Variants in PCSK6 observed in about 807,000 individuals in gnomAD.
PCSK6 encodes the protein proprotein convertase subtilisin/kexin type 6.
In PCSK6, 85 loss-of-function variants were observed where a neutral mutation model predicts 123.3. That is an observed-to-expected ratio of 0.69 (90% CI 0.58 to 0.83). The LOEUF (loss-of-function observed/expected upper bound fraction) is 0.83. PCSK6 is among the 40% of genes least tolerant of loss of function. The pLI is 0.00. For missense variants in PCSK6, 1,191 were observed against 1,282.3 expected (o/e 0.93, Z 1.09); for synonymous variants, 508 against 516.0 (o/e 0.98, Z 0.21).
rs1460857654 is a variant in PCSK6 at position 101,443,641 on chromosome 15, T to C, written c.317A>G (p.Tyr106Cys). The C allele has an allele frequency of 6.2e-7, 1 of 1,613,558 alleles. No homozygotes were observed. The change falls in exon 2 of 22, where the codon TAC (tyrosine) becomes TGC (cysteine). Residue 106 changes from tyrosine (Y) to cysteine (C), a missense_variant. By Grantham distance (194) the Tyr-to-Cys change is radical. Coordinates refer to ENST00000611716, the MANE Select transcript of PCSK6 (RefSeq NM_002570.5). Reference sequence around the variant, plus strand: ...GGTTTTGCTGTGATAAAAATGGTAGTAATCTTCCAGGTTTCCAATCTGCAA... The same window carrying C: ...GGTTTTGCTGTGATAAAAATGGTAGCAATCTTCCAGGTTTCCAATCTGCAA... ...NLGQIGNLEDYYHFYHSKTFK... is the reference protein window; with the variant it reads ...NLGQIGNLEDCYHFYHSKTFK...
At chr15:101,484,111 C>T (rs1222876049) in intron 1 of PCSK6, among the ~76,000 whole-genome samples, 4 of 151,804 alleles carry the variant, frequency 2.6e-5, no homozygotes, top group Non-Finnish European at 5.9e-5. Context: ...TGTAATATAC[C>T]CTGATACAAA....
chr15:101,369,943 C>G (rs2041527405), intron 12 of PCSK6, among the ~76,000 whole-genome samples: 2 of 152,288 alleles, frequency 1.3e-5, no homozygotes, highest in South Asian at 4.2e-4. Flanking sequence ...AAACAGTGCT[C>G]CCTGTGGTAC....
At chr15:101,357,015 G>A (rs1166405826) in intron 13 of PCSK6, among the ~76,000 whole-genome samples, 1 of 152,192 alleles carries the variant, frequency 6.6e-6, no homozygotes, top group Admixed American at 6.5e-5. Context: ...TAAATCCTGG[G>A]TCTTAGCATA....
chr15:101,412,290 G>A (rs1365833568), intron 6 of PCSK6, among the ~76,000 whole-genome samples: 1 of 152,156 alleles, frequency 6.6e-6, no homozygotes, highest in African/African-American at 2.4e-5. Context: ...TTCCAAGAAC[G>A]AATAGGAAGA....
chr15:101,447,522 A>G (rs943066589), intron 1 of PCSK6, among the ~76,000 whole-genome samples: 10 of 152,190 alleles, frequency 6.6e-5, no homozygotes, highest in African/African-American at 2.2e-4. Context: ...ACAAAATTTG[A>G]TACTAAATGA....
chr15:101,352,113 A>G (rs2040905837), intron 13 of PCSK6, among the ~76,000 whole-genome samples: 1 of 151,264 alleles, frequency 6.6e-6, no homozygotes, highest in African/African-American at 2.4e-5. Context: ...AGTTTGTCCA[A>G]AATATTTTAT....
chr15:101,472,644 T>C (rs1042067732), intron 1 of PCSK6, among the ~76,000 whole-genome samples: 6 of 152,168 alleles, frequency 3.9e-5, no homozygotes, highest in Admixed American at 3.9e-4. Context: ...GGGAGGAGGC[T>C]GAGCAGCTCC....
intron 15 of PCSK6, among the ~76,000 whole-genome samples, chr15:101,329,279 G>C (rs2040325441): frequency 6.6e-6 from 1 of 152,210 alleles, no homozygotes; most frequent in South Asian, 2.1e-4. Flanking sequence ...AGTTCTCCAT[G>C]TGCTTTGCCG....
intron 13 of PCSK6, chr15:101,364,789 G>C (rs1002707005): frequency 6.7e-6 from 3 of 445,812 alleles, no homozygotes; most frequent in African/African-American, 3.9e-5. Context: ...TTTTAAAAAA[G>C]AAATGTACAA....
chr15:101,371,663 G>C (rs139047091), intron 11 of PCSK6, among the ~76,000 whole-genome samples: 96 of 152,246 alleles, frequency 6.3e-4, no homozygotes, highest in Middle Eastern at 3.4e-3. Context: ...TAGCTAATGC[G>C]GGGAGGAGCT....
intron 6 of PCSK6, among the ~76,000 whole-genome samples, chr15:101,425,050 G>A (rs2056208396): frequency 6.6e-6 from 1 of 152,156 alleles, no homozygotes; most frequent in African/African-American, 2.4e-5. Context: ...GGAGCCCCAG[G>A]GGTGGCAGAG....
At chr15:101,347,873 C>T (rs2040777319) in intron 13 of PCSK6, 10 of 943,004 alleles carry the variant, frequency 1.1e-5, no homozygotes, top group Middle Eastern at 2.8e-4. Context: ...CAGGAGGAAG[C>T]GCCCGGGGTT....
intron 2 of PCSK6, among the ~76,000 whole-genome samples, chr15:101,438,749 C>T (rs1238383700): frequency 1.3e-5 from 2 of 152,270 alleles, no homozygotes; most frequent in African/African-American, 4.8e-5. Flanking sequence ...CTGAACTAGT[C>T]ATCGTTCCCA....
rs200681313 is a variant in PCSK6, at chr15:101,340,218, C to G, written c.1859-8187G>C. On this transcript the variant is annotated intron_variant, in intron 13 of 21. Transcript: ENST00000611716. ...TAACATGCACACCCACACTCACGTA[C>G]TTACCTGAGCACACACACATACACA... 3.9e-5 allele frequency among the ~76,000 whole-genome samples: 6 copies of G among 152,278 alleles called. No homozygotes were observed. The East Asian group carries it at 1.2e-3, about 29-fold the overall frequency.
chr15:101,434,269 T>C (rs1425286142), intron 2 of PCSK6, among the ~76,000 whole-genome samples: 1 of 152,224 alleles, frequency 6.6e-6, no homozygotes, highest in Non-Finnish European at 1.5e-5. Context: ...CCCGCCCTCC[T>C]GCCAGGCTGA....
At chr15:101,357,112 G>C (rs2041066674) in intron 13 of PCSK6, among the ~76,000 whole-genome samples, 1 of 152,130 alleles carries the variant, frequency 6.6e-6, no homozygotes, top group Admixed American at 6.6e-5. Context: ...GCAGAGATTT[G>C]CAGGAGATTG....
Position 101,305,234 on chromosome 15 carries a change from C to T in PCSK6, c.*24G>A. 6.3e-7 allele frequency: 1 copy of T among 1,579,130 alleles called. No homozygotes were observed. The highest frequency in any genetic ancestry group is 8.7e-7 in the Non-Finnish European group (1 of 1,155,906). On this transcript the variant is annotated 3_prime_UTR_variant, in exon 22 of 22. Transcript: ENST00000611716. The surrounding 1 kb of genome is among the most constrained non-coding windows in gnomAD (Gnocchi z 4.8). ...ACGGATGGATGGATGGGAGTGCCTG[C>T]CCTCTGTGGGCAGCTAGGCACCCTT...
At chr15:101,485,924 G>A (rs986222956) in intron 1 of PCSK6, among the ~76,000 whole-genome samples, 2 of 150,948 alleles carry the variant, frequency 1.3e-5, no homozygotes, top group Non-Finnish European at 2.9e-5. Context: ...GCCCTCCCAT[G>A]CATGAACACA....
intron 1 of PCSK6, among the ~76,000 whole-genome samples, chr15:101,472,022 C>T (rs10083598): frequency 0.073 from 7,037 of 96,698 alleles, 388 homozygotes; most frequent in African/African-American, 0.18. Flanking sequence ...CTAAGAAACA[C>T]GAAATTGTGA....
Sources: allele counts gnomAD v4.1 joint callset (sites outside exome capture counted in the v4.1 genomes callset), GRCh38; gene constraint gnomAD v4.1.1; non-coding constraint Gnocchi (gnomAD v3.1); transcripts MANE v1.5; gene names NCBI Gene and HGNC (gene_info 2026-07-23, HGNC 2026-07-21).